TMTC2: variants seen among roughly 807,000 people sequenced by gnomAD.
The protein encoded by TMTC2 is transmembrane O-mannosyltransferase targeting cadherins 2, also known as protein O-mannosyl-transferase TMTC2.
In TMTC2, 43 loss-of-function variants were observed where a neutral mutation model predicts 82.4. That is an observed-to-expected ratio of 0.52 (90% CI 0.41 to 0.67). TMTC2 has a LOEUF of 0.67. TMTC2 is among the 30% of genes least tolerant of loss of function. The probability of loss-of-function intolerance (pLI) is 0.00; values close to 1 mark genes in which losing one functional copy is unlikely to be tolerated. For synonymous variants in TMTC2, 408 were observed against 381.9 expected (o/e 1.07, Z -0.80); for missense variants, 919 against 1,012.4 (o/e 0.91, Z 1.25).
At chr12:82,894,120 G>A (rs61931366) in intron 2 of TMTC2, among the ~76,000 whole-genome samples, 13,695 of 152,210 alleles carry the variant, frequency 0.09, 777 homozygotes, top group Non-Finnish European at 0.12. Flanking sequence ...TTTTATTTCC[G>A]TTGGGGAAGT....
At chr12:83,089,850 A>C (rs538103999) in intron 11 of TMTC2, among the ~76,000 whole-genome samples, 9 of 135,416 alleles carry the variant, frequency 6.6e-5, no homozygotes, top group South Asian at 2.4e-4. Context: ...CAAAAAACAA[A>C]AAAAAAAAAA....
Position 82,851,786 on chromosome 12 carries a change from T to C in TMTC2, c.84-5224T>C, listed in dbSNP as rs556979513. ...CTTTGCTTACTTTCAAGTAGAACAA[T>C]TGAAAGCATGTCAGAACAGCGCCAT... On this transcript the variant is annotated intron_variant, in intron 1 of 11. Transcript: ENST00000321196. 1.9e-3 allele frequency among the ~76,000 whole-genome samples: 292 copies of C among 152,194 alleles called. 1 individual carries two copies. Among genetic ancestry groups the C allele is most frequent in the Non-Finnish European group, 3.4e-3 (232 of 68,026 alleles).
chr12:83,118,331 T>C (rs1319890077), intron 11 of TMTC2, among the ~76,000 whole-genome samples: 1 of 152,178 alleles, frequency 6.6e-6, no homozygotes, highest in Non-Finnish European at 1.5e-5. Context: ...TTTTACTACA[T>C]TGAGGTATGT....
chr12:82,864,594 C>G (rs1046269162), intron 2 of TMTC2, among the ~76,000 whole-genome samples: 4 of 150,176 alleles, frequency 2.7e-5, no homozygotes, highest in Non-Finnish European at 5.9e-5. Context: ...CTCCGCCTCC[C>G]GGGTTCCAGC....
chr12:82,879,170 C>T (rs7133985), intron 2 of TMTC2, among the ~76,000 whole-genome samples: 22,157 of 152,110 alleles, frequency 0.15, 4,936 homozygotes, highest in African/African-American at 0.48. Flanking sequence ...ATATCAGTTA[C>T]CACCTTGAAG....
intron 9 of TMTC2, among the ~76,000 whole-genome samples, chr12:83,045,754 A>ACACACACACACACACACACCC: frequency 1.9e-5 from 1 of 53,304 alleles, no homozygotes. Flanking sequence ...CACACACACC[A>ACACACACACACACACACACCC]GGAGTGTCTG....
intron 2 of TMTC2, among the ~76,000 whole-genome samples, chr12:82,877,349 C>T (rs1872632624): frequency 6.6e-6 from 1 of 152,154 alleles, no homozygotes; most frequent in South Asian, 2.1e-4. Context: ...AAATTACTGA[C>T]AGTTGCTGTT....
chr12:83,053,905 G>A (rs903041241), intron 10 of TMTC2, among the ~76,000 whole-genome samples: 2 of 152,066 alleles, frequency 1.3e-5, no homozygotes, highest in African/African-American at 4.8e-5. Context: ...CTCTGAGGTG[G>A]AAGTAGTATT....
At chr12:82,965,261 G>T in intron 5 of TMTC2, 152 bp downstream of exon 5, 1 of 652,812 alleles carries the variant, frequency 1.5e-6, no homozygotes, top group Non-Finnish European at 2.7e-6. Flanking sequence ...TATCTCAATT[G>T]CATCATACTT....
chr12:83,119,573 G>C (rs1352086458), intron 11 of TMTC2, among the ~76,000 whole-genome samples: 1 of 152,066 alleles, frequency 6.6e-6, no homozygotes, highest in African/African-American at 2.4e-5. Flanking sequence ...CATATGGTCT[G>C]TCTTGGAGAA....
chr12:82,970,171 C>T (rs1207201766), intron 7 of TMTC2, among the ~76,000 whole-genome samples: 1 of 152,198 alleles, frequency 6.6e-6, no homozygotes, highest in African/African-American at 2.4e-5. Context: ...GGGCAAATTA[C>T]TTAAAAGAAG....
chr12:82,898,302 A>G (rs1873783237), intron 3 of TMTC2, among the ~76,000 whole-genome samples: 1 of 152,210 alleles, frequency 6.6e-6, no homozygotes, highest in Non-Finnish European at 1.5e-5. Context: ...ATTATCAGCT[A>G]GTTTTTCTGC....
chr12:82,886,060 G>A (rs935027862), intron 2 of TMTC2, among the ~76,000 whole-genome samples: 28 of 152,002 alleles, frequency 1.8e-4, no homozygotes, highest in African/African-American at 6.5e-4. Context: ...TTATACTTTG[G>A]GTTATAATCC....
chr12:82,956,045 G>T (rs188993417), intron 4 of TMTC2, among the ~76,000 whole-genome samples: 21 of 151,852 alleles, frequency 1.4e-4, no homozygotes, highest in African/African-American at 5.1e-4. Flanking sequence ...ATTAAAATAC[G>T]TTCTTCCACT....
chr12:82,960,369 G>C (rs77229748), intron 4 of TMTC2, among the ~76,000 whole-genome samples: 68 of 152,016 alleles, frequency 4.5e-4, no homozygotes, highest in Non-Finnish European at 8.4e-4. Flanking sequence ...ACAAAGCTGT[G>C]GAATCAATCT....
intron 4 of TMTC2, among the ~76,000 whole-genome samples, chr12:82,964,753 G>A (rs988618935): frequency 6.6e-6 from 1 of 152,106 alleles, no homozygotes; most frequent in African/African-American, 2.4e-5. Context: ...AGAAAAGACA[G>A]CTAGAAAAGG....
At chr12:82,711,395 T>C (rs1226136368) in intron 1 of TMTC2, among the ~76,000 whole-genome samples, 1 of 152,156 alleles carries the variant, frequency 6.6e-6, no homozygotes, top group East Asian at 1.9e-4. Flanking sequence ...ATATGATTGT[T>C]AGCCTTGCCT....
intron 1 of TMTC2, among the ~76,000 whole-genome samples, chr12:82,710,096 A>G (rs1003792154): frequency 2.6e-5 from 4 of 152,268 alleles, no homozygotes; most frequent in African/African-American, 9.6e-5. Context: ...ACTTTATGGG[A>G]GTAATAGGAA....
At chr12:82,935,717 T>C (rs1876280607) in intron 4 of TMTC2, among the ~76,000 whole-genome samples, 1 of 152,180 alleles carries the variant, frequency 6.6e-6, no homozygotes, top group African/African-American at 2.4e-5. Context: ...GATTTCAAAA[T>C]GCAGATGAAT....
Sources: allele counts gnomAD v4.1 joint callset (sites outside exome capture counted in the v4.1 genomes callset), GRCh38; gene constraint gnomAD v4.1.1; transcripts MANE v1.5; gene names NCBI Gene and HGNC (gene_info 2026-07-23, HGNC 2026-07-21).